The following GLRA3 variants were observed in gnomAD, a reference collection of about 807,000 sequenced individuals.
GLRA3 encodes glycine receptor alpha 3, also known as glycine receptor subunit alpha-3.
Under a neutral mutation model 60.4 loss-of-function variants are expected in GLRA3, and 44 were observed. That is an observed-to-expected ratio of 0.73 (90% CI 0.57 to 0.94). The LOEUF (loss-of-function observed/expected upper bound fraction) is 0.94, where lower values mean the gene tolerates loss of function less well. GLRA3 is among the 40% of genes least tolerant of loss of function. The probability of loss-of-function intolerance (pLI) is 0.00; values close to 1 mark genes in which losing one functional copy is unlikely to be tolerated. For missense variants in GLRA3, 508 were observed against 564.6 expected (o/e 0.90, Z 1.02); for synonymous variants, 223 against 192.9 (o/e 1.16, Z -1.29).
At chr4:174,758,480 TG>T (rs1737811279) in intron 3 of GLRA3, among the ~76,000 whole-genome samples, 1 of 152,120 alleles carries the variant, frequency 6.6e-6, no homozygotes, top group Admixed American at 6.5e-5. Context: ...ATACTCAGGT[TG>T]AGGTTATAAA....
chr4:174,731,063 A>G (rs1399082976), intron 3 of GLRA3, among the ~76,000 whole-genome samples: 1 of 152,162 alleles, frequency 6.6e-6, no homozygotes, highest in African/African-American at 2.4e-5. Flanking sequence ...AAATCTTTCT[A>G]TGCTTTGGTT....
At chr4:174,732,604 G>A (rs1444153374) in intron 3 of GLRA3, among the ~76,000 whole-genome samples, 6 of 151,960 alleles carry the variant, frequency 3.9e-5, no homozygotes, top group African/African-American at 9.7e-5. Context: ...ACTGTGCCAC[G>A]TCAATAAAAT....
At chr4:174,760,215 C>T (rs1172051091) in intron 3 of GLRA3, among the ~76,000 whole-genome samples, 1 of 152,114 alleles carries the variant, frequency 6.6e-6, no homozygotes, top group Non-Finnish European at 1.5e-5. Context: ...TATTAAAATG[C>T]TTAACCTCAC....
chr4:174,784,428 T>C (rs1484864489), intron 2 of GLRA3, among the ~76,000 whole-genome samples: 2 of 144,656 alleles, frequency 1.4e-5, no homozygotes, highest in African/African-American at 5.2e-5. Context: ...GTAACTAACC[T>C]GCACAATGTG....
At chr4:174,824,872 A>T (rs571684798) in intron 1 of GLRA3, among the ~76,000 whole-genome samples, 1 of 152,130 alleles carries the variant, frequency 6.6e-6, no homozygotes, top group Non-Finnish European at 1.5e-5. Flanking sequence ...TTGTTCAATC[A>T]TCCAAAGCTA....
chr4:174,781,925 C>G (rs564579270), intron 2 of GLRA3, among the ~76,000 whole-genome samples: 35 of 152,148 alleles, frequency 2.3e-4, no homozygotes, highest in African/African-American at 8.4e-4. Flanking sequence ...TGAAACTATT[C>G]CAATCAATAG....
intron 3 of GLRA3, among the ~76,000 whole-genome samples, chr4:174,765,742 C>T (rs546031933): frequency 2.6e-5 from 4 of 152,096 alleles, no homozygotes; most frequent in Admixed American, 6.5e-5. Flanking sequence ...AAATGACATA[C>T]GTCTTCTCTG....
intron 6 of GLRA3, among the ~76,000 whole-genome samples, chr4:174,678,871 T>A (rs995912662): frequency 6.6e-6 from 1 of 152,176 alleles, no homozygotes; most frequent in South Asian, 2.1e-4. Context: ...ATTTATAATA[T>A]CAGTTAAATA....
chr4:174,785,933 C>G (rs954549267), intron 2 of GLRA3, among the ~76,000 whole-genome samples: 6 of 135,224 alleles, frequency 4.4e-5, no homozygotes, highest in Non-Finnish European at 7.7e-5. Flanking sequence ...CCATGCCTGG[C>G]TAGTTTTTTT....
At chr4:174,753,470 G>C (rs1334588622) in intron 3 of GLRA3, among the ~76,000 whole-genome samples, 1 of 152,106 alleles carries the variant, frequency 6.6e-6, no homozygotes. Flanking sequence ...AGTCATCTTA[G>C]AGAACACAAT....
At chr4:174,715,446 A>G in intron 5 of GLRA3, 42 bp downstream of exon 5, 1 of 913,452 alleles carries the variant, frequency 1.1e-6, no homozygotes. Flanking sequence ...TGTATCTACT[A>G]TAATGTAAAA....
intron 5 of GLRA3, among the ~76,000 whole-genome samples, chr4:174,704,473 A>C (rs1561066715): frequency 6.9e-6 from 1 of 143,970 alleles, no homozygotes; most frequent in Non-Finnish European, 1.5e-5. Context: ...GGGTGTAAAG[A>C]AATTGGAACT....
chr4:174,816,358 A>G (rs562018181), intron 1 of GLRA3, among the ~76,000 whole-genome samples: 1 of 152,270 alleles, frequency 6.6e-6, no homozygotes, highest in South Asian at 2.1e-4. Flanking sequence ...CTCAACAATA[A>G]AAAATATTGG....
chr4:174,793,229 T>C (rs1398133024), intron 1 of GLRA3, among the ~76,000 whole-genome samples: 1 of 151,976 alleles, frequency 6.6e-6, no homozygotes, highest in Admixed American at 6.6e-5. Context: ...TTCCTAGACT[T>C]CTTTTTATAT....
chr4:174,664,582 A>C (rs1285145696), intron 7 of GLRA3, among the ~76,000 whole-genome samples: 2 of 152,118 alleles, frequency 1.3e-5, no homozygotes. Flanking sequence ...TCTCAAGTTT[A>C]TCAATTTCTG....
chr4:174,756,874 C>G (rs1737727260), intron 3 of GLRA3, among the ~76,000 whole-genome samples: 1 of 152,140 alleles, frequency 6.6e-6, no homozygotes, highest in African/African-American at 2.4e-5. Flanking sequence ...GTCTCGTCTC[C>G]TGACCTCGTG....
chr4:174,643,744 T>G lies in GLRA3; in HGVS notation c.*42A>C, dbSNP rs760100529. The G allele has an allele frequency of 6.3e-7, 1 of 1,587,694 alleles. No individual in the cohort carries two copies. The highest frequency in any genetic ancestry group is 1.1e-5 in the South Asian group (1 of 87,228). ...CATACACACCTATGGCAGAGACACT[T>G]TCTTCTGAATTGACCATTTGCATTT... On this transcript the variant is annotated 3_prime_UTR_variant, in exon 10 of 10. Transcript: ENST00000274093.
intron 9 of GLRA3, among the ~76,000 whole-genome samples, chr4:174,646,382 C>A (rs1212539785): frequency 1.3e-5 from 2 of 152,034 alleles, no homozygotes; most frequent in Admixed American, 1.3e-4. Flanking sequence ...GAGTTAATAC[C>A]CAGCCTGGGC....
intron 1 of GLRA3, among the ~76,000 whole-genome samples, chr4:174,792,681 T>C (rs1184506381): frequency 6.6e-6 from 1 of 152,222 alleles, no homozygotes; most frequent in Non-Finnish European, 1.5e-5. Context: ...TAGGCACCTG[T>C]GAAGTTAAAA....
Sources: gnomAD v4.1 joint callset for allele counts (sites outside exome capture counted in the v4.1 genomes callset) on GRCh38, gnomAD v4.1.1 for gene constraint, MANE v1.5 for transcripts, NCBI Gene and HGNC (gene_info 2026-07-23, HGNC 2026-07-21) for gene names.